PCDHA3: variants seen among roughly 807,000 people sequenced by gnomAD.
PCDHA3 encodes the protein protocadherin alpha 3.
A neutral mutation model predicts 62.2 loss-of-function variants in PCDHA3; 41 were observed. The observed-to-expected ratio is 0.66, with a 90% confidence interval of 0.51 to 0.86. The LOEUF (loss-of-function observed/expected upper bound fraction) is 0.86. Among genes scored for constraint, PCDHA3 ranks in the 40% least tolerant of loss-of-function variants. PCDHA3 has a pLI of 0.00. For missense variants in PCDHA3, 1,304 were observed against 1,241.2 expected, an observed-to-expected ratio of 1.05 and a Z score of -0.76; for synonymous variants, 640 against 555.4, an observed-to-expected ratio of 1.15 and a Z score of -2.14.
chr5:140,883,625 C>G (rs1446947181), intron 1 of PCDHA3: 9 of 1,613,872 alleles, frequency 5.6e-6, no homozygotes, highest in Non-Finnish European at 6.8e-6. Context: ...CGACAACGCG[C>G]CGGCGTTCGC....
chr5:140,982,331 G>A lies in PCDHA3; in HGVS notation c.2454-144G>A, dbSNP rs1422921231. On this transcript the variant is annotated intron_variant, in intron 2 of 3. Coordinates refer to ENST00000522353, the MANE Select transcript of PCDHA3 (RefSeq NM_018906.3). ...GCAGTTTATGCAGGGTGACTGCTCA[G>A]CAGTAATTGCTTCAGTTCAAGCATG... The A allele has an allele frequency of 6.3e-6, 9 of 1,431,750 alleles. No individual in the cohort carries two copies. In the Admixed American group the frequency reaches 1.6e-4, roughly 26 times the overall value. 88.7% of individuals were successfully genotyped at this position (1,431,750 alleles called of 1,614,324 possible).
At chr5:140,892,265 T>A (rs1285445395) in intron 1 of PCDHA3, among the ~76,000 whole-genome samples, 3 of 152,240 alleles carry the variant, frequency 2.0e-5, no homozygotes, top group African/African-American at 7.2e-5. Context: ...GATTTTGTGC[T>A]GAAAGTTGTA....
At chr5:140,980,358 G>A (rs143597147) in intron 2 of PCDHA3, among the ~76,000 whole-genome samples, 260 of 152,274 alleles carry the variant, frequency 1.7e-3, no homozygotes, top group South Asian at 0.014. Context: ...TGGACTGGGC[G>A]CGGTGGCTCA....
At chr5:140,953,126 C>T (rs1284922743) in intron 1 of PCDHA3, among the ~76,000 whole-genome samples, 2 of 152,096 alleles carry the variant, frequency 1.3e-5, no homozygotes, top group African/African-American at 2.4e-5. Flanking sequence ...AGATCTAAAC[C>T]GTATCACTGT....
At chr5:140,858,455 AT>A in intron 1 of PCDHA3, 2 of 1,529,258 alleles carry the variant, frequency 1.3e-6, no homozygotes, top group Non-Finnish European at 1.8e-6. Context: ...TTACGTTTTC[AT>A]TTTCCTTTTG....
intron 1 of PCDHA3, chr5:140,875,423 G>T: frequency 6.6e-7 from 1 of 1,524,996 alleles, no homozygotes; most frequent in Non-Finnish European, 8.8e-7. Context: ...CCTCAGGCAA[G>T]CGATCCCTTA....
intron 1 of PCDHA3, among the ~76,000 whole-genome samples, chr5:140,873,732 C>T (rs1309470062): frequency 6.6e-6 from 1 of 152,166 alleles, no homozygotes; most frequent in African/African-American, 2.4e-5. Context: ...GCAATCTCAG[C>T]TCACTGCAAT....
intron 1 of PCDHA3, among the ~76,000 whole-genome samples, chr5:140,903,666 A>T (rs1554191076): frequency 6.6e-6 from 1 of 152,228 alleles, no homozygotes; most frequent in African/African-American, 2.4e-5. Flanking sequence ...AATTTAACTG[A>T]TATAAAAGAT....
At chr5:140,870,325 C>G in intron 1 of PCDHA3, 1 of 1,614,198 alleles carries the variant, frequency 6.2e-7, no homozygotes. Flanking sequence ...CTCGTTGGTG[C>G]TGGACAGCGC....
At chr5:140,995,860 A>C (rs1220139939) in intron 3 of PCDHA3, among the ~76,000 whole-genome samples, 1 of 152,220 alleles carries the variant, frequency 6.6e-6, no homozygotes, top group Non-Finnish European at 1.5e-5. Flanking sequence ...CGTATCACTT[A>C]ATAATTGTGC....
At chr5:140,948,752 C>T (rs246047) in intron 1 of PCDHA3, among the ~76,000 whole-genome samples, 85,413 of 151,184 alleles carry the variant, frequency 0.56, 24,715 homozygotes, top group African/African-American at 0.69. Context: ...ATCAATTTTG[C>T]TGATTTTTTT....
chr5:140,856,367 G>C, intron 1 of PCDHA3: 1 of 1,598,612 alleles, frequency 6.3e-7, no homozygotes, highest in Non-Finnish European at 8.6e-7. Context: ...CCACCTGGAG[G>C]TGATCGTGGA....
At chr5:140,946,477 T>C (rs1223421073) in intron 1 of PCDHA3, among the ~76,000 whole-genome samples, 2 of 151,720 alleles carry the variant, frequency 1.3e-5, no homozygotes, top group Non-Finnish European at 2.9e-5. Flanking sequence ...ACTGGGTATA[T>C]ATCCAAAGGA....
intron 1 of PCDHA3, among the ~76,000 whole-genome samples, chr5:140,970,314 A>G (rs141905108): frequency 0.01 from 1,597 of 152,320 alleles, 13 homozygotes; most frequent in Middle Eastern, 0.014. Flanking sequence ...AAGTTAAATG[A>G]CAGTACTTCC....
intron 1 of PCDHA3, chr5:140,822,621 T>A (rs1767369085): frequency 6.2e-7 from 1 of 1,611,630 alleles, no homozygotes; most frequent in African/African-American, 1.3e-5. Context: ...TCTTTAGTAA[T>A]CTTGTTCTTG....
chr5:140,942,679 G>C (rs549826522), intron 1 of PCDHA3, among the ~76,000 whole-genome samples: 1 of 152,020 alleles, frequency 6.6e-6, no homozygotes, highest in African/African-American at 2.4e-5. Context: ...AAAGTTTTAG[G>C]AATAACTTTA....
intron 1 of PCDHA3, chr5:140,876,161 T>C (rs1582262337): frequency 6.2e-7 from 1 of 1,613,960 alleles, no homozygotes; most frequent in Non-Finnish European, 8.5e-7. Flanking sequence ...CAGATTCAAA[T>C]AACCGTCCTG....
intron 1 of PCDHA3, chr5:140,875,971 C>A (rs17844352): frequency 1.1e-5 from 17 of 1,614,030 alleles, no homozygotes; most frequent in Non-Finnish European, 1.4e-5. Flanking sequence ...CGTAAACTCT[C>A]TTTTGACCTA....
At position 140,850,247 on chromosome 5, in the gene PCDHA3, G is replaced by T; in HGVS notation, c.2394+46656G>T. On this transcript the variant is annotated intron_variant, in intron 1 of 3. Coordinates refer to ENST00000522353, the MANE Select transcript of PCDHA3 (RefSeq NM_018906.3). ...CAGTGAGCGAGATGGTGCTGCGGTC[G>T]GTGGGCGCCGGCGTAGTGGTGGGGA... is the stretch of plus-strand genomic sequence containing the variant. 10 of 1,593,682 alleles carry T rather than the reference G, an allele frequency of 6.3e-6. 1 individual carries two copies. Among genetic ancestry groups the T allele is most frequent in the Non-Finnish European group, 8.6e-6 (10 of 1,166,960 alleles).
Sources: gnomAD v4.1 joint callset for allele counts (sites outside exome capture counted in the v4.1 genomes callset) on GRCh38, gnomAD v4.1.1 for gene constraint, MANE v1.5 for transcripts, NCBI Gene and HGNC (gene_info 2026-07-23, HGNC 2026-07-21) for gene names.